Variants in RBFOX1 observed in about 807,000 individuals in gnomAD.
The protein encoded by RBFOX1 is RNA binding fox-1 homolog 1.
A neutral mutation model predicts 57.7 loss-of-function variants in RBFOX1; 8 were observed. That is an observed-to-expected ratio of 0.14 (90% confidence interval 0.08 to 0.25). The LOEUF is 0.25. RBFOX1 is among the 10% of genes least tolerant of loss of function. RBFOX1 has a pLI of 1.00. For missense variants in RBFOX1, 611 were observed against 548.5 expected (o/e 1.11, Z -1.14); for synonymous variants, 326 against 222.4 (o/e 1.47, Z -4.15).
At chr16:6,948,900 C>G (rs887062087) in intron 3 of RBFOX1, among the ~76,000 whole-genome samples, 3 of 152,162 alleles carry the variant, frequency 2.0e-5, no homozygotes, top group Non-Finnish European at 4.4e-5. Context: ...CATCCTCTGA[C>G]TGTCAATGAG....
chr16:6,258,133 AT>A (rs1235223830), intron 1 of RBFOX1, among the ~76,000 whole-genome samples: 3 of 152,028 alleles, frequency 2.0e-5, no homozygotes, highest in Non-Finnish European at 4.4e-5. Flanking sequence ...GTAACGTTTT[AT>A]TTATTTTTAA....
At chr16:5,962,008 C>A (rs1356329422) in intron 4 of RBFOX1, among the ~76,000 whole-genome samples, 2 of 152,216 alleles carry the variant, frequency 1.3e-5, no homozygotes, top group Non-Finnish European at 1.5e-5. Flanking sequence ...CCATCTCTCT[C>A]CTTCCAAATC....
intron 1 of RBFOX1, among the ~76,000 whole-genome samples, chr16:5,314,743 C>G (rs2064185611): frequency 6.6e-6 from 1 of 151,624 alleles, no homozygotes; most frequent in Admixed American, 6.6e-5. Flanking sequence ...TCAAGCAATC[C>G]TCCTGCTTTG....
intron 4 of RBFOX1, among the ~76,000 whole-genome samples, chr16:5,887,306 A>C (rs1402111602): frequency 6.6e-6 from 1 of 152,202 alleles, no homozygotes; most frequent in Non-Finnish European, 1.5e-5. Context: ...GAATGTAACA[A>C]CTAGAAATGA....
intron 1 of RBFOX1, among the ~76,000 whole-genome samples, chr16:6,197,723 C>G (rs2097189581): frequency 6.6e-6 from 1 of 151,552 alleles, no homozygotes; most frequent in Non-Finnish European, 1.5e-5. Context: ...ATTCGTTGTA[C>G]AGATTATTGC....
chr16:7,479,303 A>G (rs2063402798), intron 4 of RBFOX1, among the ~76,000 whole-genome samples: 1 of 151,668 alleles, frequency 6.6e-6, no homozygotes, highest in African/African-American at 2.4e-5. Flanking sequence ...ATTGTATTGT[A>G]TAGTTTTGTA....
intron 1 of RBFOX1, among the ~76,000 whole-genome samples, chr16:5,453,356 G>A (rs2068485687): frequency 6.6e-6 from 1 of 152,132 alleles, no homozygotes; most frequent in African/African-American, 2.4e-5. Flanking sequence ...TGGGAGTAGG[G>A]AAGTGCATTA....
intron 4 of RBFOX1, among the ~76,000 whole-genome samples, chr16:7,262,336 A>G (rs1251715831): frequency 6.6e-6 from 1 of 151,552 alleles, no homozygotes; most frequent in Non-Finnish European, 1.5e-5. Flanking sequence ...TATTAATGGG[A>G]AAACCAATCA....
intron 3 of RBFOX1, among the ~76,000 whole-genome samples, chr16:6,692,412 A>C (rs1658310728): frequency 6.6e-6 from 1 of 152,142 alleles, no homozygotes; most frequent in Non-Finnish European, 1.5e-5. Context: ...CCTCTCATTT[A>C]AATCCATCCT....
At chr16:6,929,885 G>C (rs1398242415) in intron 3 of RBFOX1, among the ~76,000 whole-genome samples, 4 of 152,084 alleles carry the variant, frequency 2.6e-5, no homozygotes, top group Non-Finnish European at 5.9e-5. Flanking sequence ...CACTGCTTTA[G>C]CCCTTATGGA....
intron 2 of RBFOX1, among the ~76,000 whole-genome samples, chr16:6,529,548 C>A (rs931729165): frequency 6.7e-6 from 1 of 148,196 alleles, no homozygotes. Context: ...GACAGAGACT[C>A]CATCTCAAAT....
At chr16:5,249,764 G>C (rs2062399481) in intron 1 of RBFOX1, among the ~76,000 whole-genome samples, 1 of 152,214 alleles carries the variant, frequency 6.6e-6, no homozygotes, top group African/African-American at 2.4e-5. Context: ...TTCGAGACCA[G>C]CTTGGCCAAA....
rs143177670 is a variant in RBFOX1, at chr16:6,097,611, A to G, written c.-127+77619A>G. Among the ~76,000 whole-genome samples, 1 of 152,276 alleles carries G rather than the reference A, an allele frequency of 6.6e-6. No individual in the cohort carries two copies. The highest frequency in any genetic ancestry group is 1.9e-4 in the East Asian group (1 of 5,172). ...TTTCATTATTCTCATTTCACAGATGAGAAAAATGAGTCAGTAGGAGGAAAA... is the reference window on the plus strand; with the variant it reads ...TTTCATTATTCTCATTTCACAGATGGGAAAAATGAGTCAGTAGGAGGAAAA... On this transcript the variant is annotated intron_variant, in intron 1 of 15. Coordinates refer to ENST00000550418, the MANE Select transcript of RBFOX1 (RefSeq NM_018723.4). The surrounding 1 kb of genome is among the most constrained non-coding windows in gnomAD (Gnocchi z 5.0).
At chr16:5,749,029 G>T (rs779088302) in intron 3 of RBFOX1, among the ~76,000 whole-genome samples, 3 of 152,066 alleles carry the variant, frequency 2.0e-5, no homozygotes, top group Non-Finnish European at 2.9e-5. Context: ...TTTCCATGTT[G>T]AGTGCTTCCT....
At chr16:6,092,145 G>C (rs1471959017) in intron 1 of RBFOX1, among the ~76,000 whole-genome samples, 2 of 152,212 alleles carry the variant, frequency 1.3e-5, no homozygotes, top group African/African-American at 2.4e-5. Context: ...ACATGGGCTT[G>C]GTGTGAGGGA....
chr16:5,650,160 C>T (rs1012562367), intron 3 of RBFOX1, among the ~76,000 whole-genome samples: 3 of 152,336 alleles, frequency 2.0e-5, no homozygotes, highest in Middle Eastern at 3.4e-3. Context: ...GCCCCCACCC[C>T]CAACTCCTGG....
intron 2 of RBFOX1, among the ~76,000 whole-genome samples, chr16:5,478,889 T>A (rs1318574755): frequency 6.6e-6 from 1 of 152,188 alleles, no homozygotes; most frequent in African/African-American, 2.4e-5. Flanking sequence ...GGCAACCCTC[T>A]CTGTCTGTAT....
intron 2 of RBFOX1, among the ~76,000 whole-genome samples, chr16:6,371,705 G>C (rs1170179185): frequency 6.6e-6 from 1 of 152,024 alleles, no homozygotes; most frequent in Non-Finnish European, 1.5e-5. Context: ...ATGGCTTCTG[G>C]ACCCTCTAAA....
intron 2 of RBFOX1, among the ~76,000 whole-genome samples, chr16:6,629,287 G>T (rs1055200942): frequency 3.9e-4 from 59 of 152,148 alleles, no homozygotes; most frequent in African/African-American, 1.4e-3. Flanking sequence ...AAGAACACGA[G>T]CATATAAAAT....
Sources: gnomAD v4.1 joint callset for allele counts (sites outside exome capture counted in the v4.1 genomes callset) on GRCh38, gnomAD v4.1.1 for gene constraint, Gnocchi (gnomAD v3.1) non-coding constraint, MANE v1.5 for transcripts, NCBI Gene and HGNC (gene_info 2026-07-23, HGNC 2026-07-21) for gene names.